Variants in AP3B1 observed in about 807,000 individuals in gnomAD.
AP3B1 encodes AP-3 complex subunit beta-1.
Under a neutral mutation model 132.5 loss-of-function variants are expected in AP3B1, and 61 were observed. The ratio of observed to expected loss-of-function variants is 0.46; its 90% CI spans 0.37 to 0.57. AP3B1 has a LOEUF of 0.57. Among genes scored for constraint, AP3B1 ranks in the 20% least tolerant of loss-of-function variants. The pLI is 0.00. For missense variants in AP3B1, 1,120 were observed against 1,289.4 expected, an observed-to-expected ratio of 0.87 and a Z score of 2.01; for synonymous variants, 388 against 438.3, an observed-to-expected ratio of 0.89 and a Z score of 1.43.
At chr5:78,005,255 C>G (rs1463148749) in intron 26 of AP3B1, among the ~76,000 whole-genome samples, 2 of 152,200 alleles carry the variant, frequency 1.3e-5, no homozygotes, top group East Asian at 3.8e-4. Flanking sequence ...ATTTACTTAA[C>G]ACTTGTGCCT....
intron 17 of AP3B1, among the ~76,000 whole-genome samples, chr5:78,123,119 G>C (rs2112286582): frequency 1.3e-5 from 2 of 152,312 alleles, no homozygotes; most frequent in Middle Eastern, 6.8e-3. Context: ...TTTAATAAAT[G>C]GTGCTGGGAA....
intron 22 of AP3B1, among the ~76,000 whole-genome samples, chr5:78,052,013 T>C (rs911778540): frequency 4.0e-5 from 6 of 151,388 alleles, no homozygotes; most frequent in Non-Finnish European, 8.8e-5. Context: ...TGACCTAGAA[T>C]AGGATTTAAA....
chr5:78,286,792 T>C (rs1326409314), intron 1 of AP3B1, among the ~76,000 whole-genome samples: 3 of 152,170 alleles, frequency 2.0e-5, no homozygotes, highest in East Asian at 1.9e-4. Flanking sequence ...TAAACAGATA[T>C]TGGCTATAAA....
intron 17 of AP3B1, among the ~76,000 whole-genome samples, chr5:78,122,552 A>T (rs1364414954): frequency 6.6e-6 from 1 of 152,204 alleles, no homozygotes; most frequent in Non-Finnish European, 1.5e-5. Context: ...TACACCAATA[A>T]CGGACAAACA....
chr5:78,249,548 C>T (rs1747537893), intron 2 of AP3B1, among the ~76,000 whole-genome samples: 1 of 147,622 alleles, frequency 6.8e-6, no homozygotes, highest in African/African-American at 2.5e-5. Context: ...TCTTTTCAAT[C>T]TCTATTCTTC....
At chr5:78,191,322 A>C (rs978711496) in intron 7 of AP3B1, among the ~76,000 whole-genome samples, 2 of 147,972 alleles carry the variant, frequency 1.4e-5, no homozygotes, top group African/African-American at 2.6e-5. Context: ...AGAAACCTAG[A>C]ATTCTGATTG....
chr5:78,076,414 T>C (rs185547811), intron 22 of AP3B1, among the ~76,000 whole-genome samples: 2 of 152,330 alleles, frequency 1.3e-5, no homozygotes, highest in East Asian at 3.9e-4. Context: ...GACTTTCTCT[T>C]AGCTCTTGAG....
chr5:78,021,456 A>G (rs1168120124), intron 24 of AP3B1, among the ~76,000 whole-genome samples: 3 of 152,186 alleles, frequency 2.0e-5, no homozygotes, highest in Non-Finnish European at 4.4e-5. Flanking sequence ...CAATAAGTGC[A>G]TTTACCTAAG....
chr5:78,285,400 T>C (rs1310492220), intron 1 of AP3B1, among the ~76,000 whole-genome samples: 1 of 152,134 alleles, frequency 6.6e-6, no homozygotes, highest in Non-Finnish European at 1.5e-5. Context: ...TTCTCAGTAA[T>C]CATCTTACTT....
chr5:78,107,895 T>C (rs571342350), intron 20 of AP3B1, among the ~76,000 whole-genome samples: 1 of 152,366 alleles, frequency 6.6e-6, no homozygotes, highest in African/African-American at 2.4e-5. Context: ...TGTTGTTTTA[T>C]AGTTACATAG....
At chr5:78,292,727 CAT>C (rs963212874) in intron 1 of AP3B1, among the ~76,000 whole-genome samples, 34 of 152,274 alleles carry the variant, frequency 2.2e-4, no homozygotes, top group African/African-American at 8.2e-4. Flanking sequence ...TGGTTATTTG[CAT>C]ATATTACATA....
intron 17 of AP3B1, among the ~76,000 whole-genome samples, chr5:78,121,160 C>A (rs252764): frequency 0.3 from 45,698 of 151,380 alleles, 7,363 homozygotes; most frequent in Admixed American, 0.41. Context: ...ACAAAGACAC[C>A]ACATACCAGA....
chr5:78,031,690 A>G (rs111559280), intron 24 of AP3B1, among the ~76,000 whole-genome samples: 1 of 152,120 alleles, frequency 6.6e-6, no homozygotes, highest in Non-Finnish European at 1.5e-5. Context: ...ATTGGTTCTT[A>G]CCATTATGGT....
chr5:78,156,932 A>G (rs1315050191), intron 13 of AP3B1, among the ~76,000 whole-genome samples: 2 of 151,842 alleles, frequency 1.3e-5, no homozygotes, highest in African/African-American at 4.8e-5. Flanking sequence ...AGTGAGATGG[A>G]TTTTCTCTAT....
chr5:78,193,926 T>C (rs1259647000), intron 7 of AP3B1, among the ~76,000 whole-genome samples: 1 of 151,090 alleles, frequency 6.6e-6, no homozygotes, highest in East Asian at 1.9e-4. Flanking sequence ...GGCTAATTTT[T>C]TCAGCTAATT....
At chr5:78,056,433 T>C (rs1457994597) in intron 22 of AP3B1, among the ~76,000 whole-genome samples, 2 of 152,220 alleles carry the variant, frequency 1.3e-5, no homozygotes, top group Non-Finnish European at 2.9e-5. Flanking sequence ...TATTAGTAAA[T>C]TGAGTTTTCA....
rs1744193916 is a variant in AP3B1, at chr5:78,177,425, T to G, written c.954A>C (p.Ala318=). Residue 318 remains alanine (A), a synonymous_variant, in exon 9 of 27, where the codon GCA becomes GCC. Transcript: ENST00000255194. ...ATATGTGCCAATACAGCTGAGCAAC[T>G]GCCATAACCACCTACAAGATAAAGC... ...LQSRNAAVVM[A]VAQLYWHISP... is the part of the protein sequence containing the mutation. The G allele has an allele frequency of 1.2e-6, 2 of 1,613,134 alleles. No homozygotes were observed. Among genetic ancestry groups the G allele is most frequent in the African/African-American group, 2.7e-5 (2 of 74,916 alleles).
rs138167136 is a variant in AP3B1, at chr5:78,106,329, A to G, written c.2397+3878T>C. On this transcript the variant is annotated intron_variant, in intron 20 of 26. Transcript: ENST00000255194. ...AAAAATTAGCCAAGCATGGTAGTGCATGCCTATAGTCCCAGCTACCCAGGA... is the reference window on the plus strand; with the variant it reads ...AAAAATTAGCCAAGCATGGTAGTGCGTGCCTATAGTCCCAGCTACCCAGGA... Among the ~76,000 whole-genome samples the G allele has an allele frequency of 1.4e-3, 212 of 152,224 alleles. 1 individual carries two copies. Among genetic ancestry groups the G allele is most frequent in the African/African-American group, 4.9e-3 (203 of 41,552 alleles).
chr5:78,075,962 T>C lies in AP3B1; in HGVS notation c.2577+13431A>G, dbSNP rs373963690. ...TGAAAATCATCCTTCTACTTCTTGC[T>C]AAAGGAGAAGAGTAGTTCAGGTATC... On this transcript the variant is annotated intron_variant, in intron 22 of 26. Coordinates refer to ENST00000255194, the MANE Select transcript of AP3B1 (RefSeq NM_003664.5). Among the ~76,000 whole-genome samples, 6 of 152,354 alleles carry C rather than the reference T, an allele frequency of 3.9e-5. No individual in the cohort carries two copies. In the East Asian group the frequency reaches 9.6e-4, roughly 24 times the overall value.
Sources: allele counts gnomAD v4.1 joint callset (sites outside exome capture counted in the v4.1 genomes callset), GRCh38; gene constraint gnomAD v4.1.1; transcripts MANE v1.5; gene names NCBI Gene and HGNC (gene_info 2026-07-23, HGNC 2026-07-21).